Variants in CORO2B observed in about 807,000 individuals in gnomAD.
CORO2B encodes the protein coronin 2B.
Under a neutral mutation model 58.8 loss-of-function variants are expected in CORO2B, and 26 were observed. That is an observed-to-expected ratio of 0.44 (90% confidence interval 0.32 to 0.61). CORO2B has a LOEUF of 0.61. Ranked by LOEUF, CORO2B falls within the 20% of genes least tolerant of loss-of-function variation. The pLI is 0.04. For missense variants in CORO2B, 460 were observed against 645.1 expected (o/e 0.71, Z 3.11); for synonymous variants, 242 against 253.8 (o/e 0.95, Z 0.44).
the CORO2B span, among the ~76,000 whole-genome samples, chr15:68,535,527 A>AATT: frequency 1.3e-5 from 2 of 151,850 alleles, no homozygotes; most frequent in South Asian, 2.1e-4. Flanking sequence ...ATGTTGTTCT[A>AATT]ATTATTATTA....
At chr15:68,562,846 A>G in the CORO2B span, among the ~76,000 whole-genome samples, 458 of 151,992 alleles carry the variant, frequency 3.0e-3, no homozygotes, top group Non-Finnish European at 5.4e-3. Flanking sequence ...GCGTGGTGGC[A>G]GGCGCCGGTA....
the CORO2B span, among the ~76,000 whole-genome samples, chr15:68,521,983 A>G: frequency 6.6e-6 from 1 of 152,036 alleles, no homozygotes; most frequent in Non-Finnish European, 1.5e-5. Flanking sequence ...AATTTGTAAA[A>G]TTTTTTGTAG....
At chr15:68,721,892 C>T (rs1596040793) in intron 11 of CORO2B, among the ~76,000 whole-genome samples, 1 of 152,026 alleles carries the variant, frequency 6.6e-6, no homozygotes, top group Non-Finnish European at 1.5e-5. Flanking sequence ...GAACTAGCGG[C>T]GTGTACCACC....
chr15:68,642,034 T>TC (rs1265259340), intron 1 of CORO2B, among the ~76,000 whole-genome samples: 40 of 57,918 alleles, frequency 6.9e-4, no homozygotes, highest in African/African-American at 2.5e-3. Context: ...CGGCCTAGCC[T>TC]CTTTTTTTTT....
At chr15:68,690,646 CTTTT>C (rs765999578) in intron 2 of CORO2B, among the ~76,000 whole-genome samples, 1 of 102,862 alleles carries the variant, frequency 9.7e-6, no homozygotes. Flanking sequence ...CGTTAGCTTT[CTTTT>C]TTTTTTTTTT....
chr15:68,701,258 C>A (rs1567013833), intron 3 of CORO2B, among the ~76,000 whole-genome samples: 1 of 152,106 alleles, frequency 6.6e-6, no homozygotes, highest in East Asian at 1.9e-4. Flanking sequence ...AGGTTCAAAT[C>A]CTGGCTCTGC....
chr15:68,653,406 C>T (rs1452634947), intron 2 of CORO2B, among the ~76,000 whole-genome samples: 1 of 152,152 alleles, frequency 6.6e-6, no homozygotes, highest in East Asian at 1.9e-4. Context: ...CACAGTAGAT[C>T]CTCAGCCAAG....
intron 2 of CORO2B, among the ~76,000 whole-genome samples, chr15:68,689,285 C>T (rs574922055): frequency 6.6e-6 from 1 of 152,110 alleles, no homozygotes; most frequent in South Asian, 2.1e-4. Context: ...CTGAAGTTCT[C>T]TGAGGTTCTC....
the CORO2B span, among the ~76,000 whole-genome samples, chr15:68,520,496 C>T: frequency 6.6e-6 from 1 of 152,318 alleles, no homozygotes; most frequent in East Asian, 1.9e-4. Context: ...TGGACTAGCA[C>T]TTTTATCATT....
At chr15:68,562,364 C>T in the CORO2B span, among the ~76,000 whole-genome samples, 5 of 152,158 alleles carry the variant, frequency 3.3e-5, no homozygotes, top group African/African-American at 1.2e-4. Context: ...GCTCCCTGCA[C>T]AAGAGTTATA....
At chr15:68,678,209 G>A (rs1255826806) in intron 2 of CORO2B, among the ~76,000 whole-genome samples, 4 of 152,230 alleles carry the variant, frequency 2.6e-5, no homozygotes, top group Non-Finnish European at 4.4e-5. Context: ...TGGGAGGACA[G>A]CAGACCCAGG....
intron 2 of CORO2B, among the ~76,000 whole-genome samples, chr15:68,665,662 C>G (rs1015291923): frequency 2.0e-5 from 3 of 151,860 alleles, no homozygotes; most frequent in Non-Finnish European, 4.4e-5. Context: ...TCACATAGCT[C>G]TTATTCATTT....
chr15:68,667,082 C>A (rs1902215696), intron 2 of CORO2B, among the ~76,000 whole-genome samples: 2 of 152,112 alleles, frequency 1.3e-5, no homozygotes, highest in African/African-American at 4.8e-5. Context: ...CCTGATCTCC[C>A]TTCACTCTCA....
chr15:68,635,658 C>A (rs1274904620), intron 1 of CORO2B, among the ~76,000 whole-genome samples: 2 of 152,156 alleles, frequency 1.3e-5, no homozygotes, highest in Non-Finnish European at 2.9e-5. Context: ...TCCTTGAAAG[C>A]CTTTTTGTGT....
At chr15:68,622,813 C>A (rs1900565103) in intron 1 of CORO2B, among the ~76,000 whole-genome samples, 1 of 152,216 alleles carries the variant, frequency 6.6e-6, no homozygotes. Context: ...ACTCACAACA[C>A]CCCTGTGAGG....
At chr15:68,725,240 A>C (rs767066036) in intron 11 of CORO2B, among the ~76,000 whole-genome samples, 2 of 152,048 alleles carry the variant, frequency 1.3e-5, no homozygotes, top group Non-Finnish European at 2.9e-5. Context: ...ATGGTGGCAC[A>C]TGCCTGTAAT....
chr15:68,579,544 C>T (rs1213380655), intron 1 of CORO2B, among the ~76,000 whole-genome samples: 2 of 152,228 alleles, frequency 1.3e-5, no homozygotes, highest in Non-Finnish European at 2.9e-5. Context: ...GCATTTTTAA[C>T]CCTTGTTTGG....
intron 2 of CORO2B, among the ~76,000 whole-genome samples, chr15:68,679,878 T>C (rs1180700094): frequency 1.3e-5 from 2 of 152,212 alleles, no homozygotes; most frequent in Non-Finnish European, 2.9e-5. Flanking sequence ...GGTCATTACC[T>C]CGGAGGTGGT....
chr15:68,569,305 A>C, the CORO2B span, among the ~76,000 whole-genome samples: 3 of 152,036 alleles, frequency 2.0e-5, no homozygotes, highest in Non-Finnish European at 4.4e-5. Context: ...ATCCCTCCCC[A>C]CTAACCCCTG....
Sources: gnomAD v4.1 joint callset for allele counts (sites outside exome capture counted in the v4.1 genomes callset) on GRCh38, gnomAD v4.1.1 for gene constraint, MANE v1.5 for transcripts, NCBI Gene and HGNC (gene_info 2026-07-23, HGNC 2026-07-21) for gene names.